The following RASGEF1B variants were observed in gnomAD, a reference collection of about 807,000 sequenced individuals.
RASGEF1B encodes RasGEF domain family member 1B.
Under a neutral mutation model 65.7 loss-of-function variants are expected in RASGEF1B, and 30 were observed. The observed-to-expected ratio is 0.46, with a 90% CI of 0.34 to 0.62. RASGEF1B has a LOEUF of 0.62. Ranked by LOEUF, RASGEF1B falls within the 20% of genes least tolerant of loss-of-function variation. The pLI, the probability that RASGEF1B is intolerant of heterozygous loss-of-function variation, is 0.01. For missense variants in RASGEF1B, 495 were observed against 580.1 expected (o/e 0.85, Z 1.51); for synonymous variants, 175 against 194.8 (o/e 0.90, Z 0.85).
In RASGEF1B at chr4:81,463,293, T is replaced by G. The variant is rs573812359; in HGVS notation, c.-6-3779A>C. Among the ~76,000 whole-genome samples the G allele has an allele frequency of 6.6e-5, 10 of 152,284 alleles. No homozygotes were observed. In the South Asian group the frequency reaches 1.9e-3, roughly 28 times the overall value. On this transcript the variant is annotated intron_variant, in intron 1 of 13. Transcript: ENST00000264400. ...GCATGGTCTCATCAAGACATAGAGA[T>G]TCCAGAGATTCCAATATGGACTTTA...
chr4:81,442,991 T>A (rs1016307998), intron 8 of RASGEF1B, among the ~76,000 whole-genome samples: 15 of 152,354 alleles, frequency 9.8e-5, no homozygotes, highest in Middle Eastern at 3.4e-3. Flanking sequence ...CCCCTCAACA[T>A]TCTTAAAAGA....
rs562241630 is a variant in RASGEF1B, at chr4:81,466,562, A to G, written c.-7+5208T>C. On this transcript the variant is annotated intron_variant, in intron 1 of 13. Transcript: ENST00000264400. ...ATCACAAAGTCAGCAGATCGAGACC[A>G]TCCTGGCTAACACGGTAAAACCCTG... 5.3e-5 allele frequency among the ~76,000 whole-genome samples: 8 copies of G among 152,058 alleles called. No homozygotes were observed. In the East Asian group the frequency reaches 7.8e-4, roughly 15 times the overall value.
intron 13 of RASGEF1B, among the ~76,000 whole-genome samples, chr4:81,429,935 G>A (rs1408750267): frequency 6.6e-6 from 1 of 152,216 alleles, no homozygotes; most frequent in Non-Finnish European, 1.5e-5. Context: ...AGTCGGAGGA[G>A]AGCCTGGGCC....
rs1560700482 is a variant in RASGEF1B, at chr4:81,445,506, A to G, written c.928+20T>C. On this transcript the variant is annotated intron_variant, in intron 8 of 13. Coordinates refer to ENST00000264400, the MANE Select transcript of RASGEF1B (RefSeq NM_152545.3). ...GGATTCGTAAAGATAAACGACATGT[A>G]TCCTCCACAAAATACTCACAGATTA... The G allele has an allele frequency of 6.7e-7, 1 of 1,503,176 alleles. No individual in the cohort carries two copies. Among genetic ancestry groups the G allele is most frequent in the Non-Finnish European group, 9.3e-7 (1 of 1,079,660 alleles). 93.1% of individuals were successfully genotyped at this position (1,503,176 alleles called of 1,614,324 possible).
rs912745726 is a variant in RASGEF1B, at chr4:81,458,113, C to T, written c.178-492G>A. Among the ~76,000 whole-genome samples, 12 of 152,364 alleles carry T rather than the reference C, an allele frequency of 7.9e-5. No homozygotes were observed. The East Asian group carries it at 1.9e-3, about 24-fold the overall frequency. On this transcript the variant is annotated intron_variant, in intron 2 of 13. Transcript: ENST00000264400. The stretch of plus-strand genomic sequence containing the variant: ...ATTCTCCACTGTGTCTAGCACATCA[C>T]AGTAAAGTGTTTGTGTCAGAACATT...
rs1202796589 is a variant in RASGEF1B at position 81,435,459 on chromosome 4, ACC to A, written c.1105-727_1105-726del. Reference sequence around the variant, plus strand: ...AAAAAGAATACCTATCATTGCAGGCACCGATTTTTTTTTTTTTTTTTTTTTTT... The same window carrying A: ...AAAAAGAATACCTATCATTGCAGGCAGATTTTTTTTTTTTTTTTTTTTTTT... On this transcript the variant is annotated intron_variant, in intron 10 of 13. Transcript: ENST00000264400. 3.0e-3 allele frequency among the ~76,000 whole-genome samples: 359 copies of A among 119,898 alleles called. 2 individuals are homozygous for A. The highest frequency in any genetic ancestry group is 0.011 in the African/African-American group (348 of 31,540). The allele number at this position is 119,898 out of a possible 152,430, so 78.7% of individuals were successfully genotyped here.
At chr4:81,466,783 AAAG>A (rs1722839407) in intron 1 of RASGEF1B, among the ~76,000 whole-genome samples, 1 of 142,586 alleles carries the variant, frequency 7.0e-6, no homozygotes, top group Admixed American at 7.0e-5. Flanking sequence ...AGAAAGAAAG[AAAG>A]AAAGAAAGAA....
At chr4:81,468,506 C>A (rs776786762) in intron 1 of RASGEF1B, among the ~76,000 whole-genome samples, 1 of 151,784 alleles carries the variant, frequency 6.6e-6, no homozygotes, top group Non-Finnish European at 1.5e-5. Flanking sequence ...TAAATATAAA[C>A]CTAAGAAAAA....
At chr4:81,440,789 A>G (rs764703186) in intron 10 of RASGEF1B, 45 bp downstream of exon 10, 4 of 1,307,442 alleles carry the variant, frequency 3.1e-6, no homozygotes, top group Non-Finnish European at 4.4e-6. Flanking sequence ...TCAGCATAAA[A>G]CACAGCAACT....
chr4:81,437,213 CACATTTTACATTTGTTAAGTAGCTAAAA>C (rs1721660099), intron 10 of RASGEF1B, among the ~76,000 whole-genome samples: 1 of 152,094 alleles, frequency 6.6e-6, no homozygotes, highest in South Asian at 2.1e-4. Context: ...CTAGGAGTCA[CACATTTTACATTTGTTAAGTAGCTAAAA>C]AATAAAAAAA....
At chr4:81,465,509 A>G (rs1001863530) in intron 1 of RASGEF1B, among the ~76,000 whole-genome samples, 5 of 152,230 alleles carry the variant, frequency 3.3e-5, no homozygotes, top group African/African-American at 1.2e-4. Context: ...GGTCACAAAG[A>G]TAGATCACGT....
At chr4:81,429,917 G>A (rs933695003) in intron 13 of RASGEF1B, among the ~76,000 whole-genome samples, 17 of 152,330 alleles carry the variant, frequency 1.1e-4, no homozygotes, top group African/African-American at 3.8e-4. Flanking sequence ...GCGAAGTTTG[G>A]CAGGCGCAGT....
chr4:81,438,441 C>A (rs747031618), intron 10 of RASGEF1B, among the ~76,000 whole-genome samples: 2 of 152,250 alleles, frequency 1.3e-5, no homozygotes, highest in South Asian at 2.1e-4. Context: ...TGGGCCACCA[C>A]GCCCGGCCAA....
chr4:81,443,260 C>A (rs116673652), intron 8 of RASGEF1B, among the ~76,000 whole-genome samples: 2,694 of 152,224 alleles, frequency 0.018, 74 homozygotes, highest in African/African-American at 0.061. Flanking sequence ...ATTTTAAGGA[C>A]CAGAAGTGGG....
chr4:81,434,980 T>A lies in RASGEF1B; in HGVS notation c.1105-246A>T, dbSNP rs542559306. Among the ~76,000 whole-genome samples the A allele has an allele frequency of 2.0e-5, 3 of 152,320 alleles. No individual in the cohort carries two copies. In the East Asian group the frequency reaches 5.8e-4, roughly 29 times the overall value. On this transcript the variant is annotated intron_variant, in intron 10 of 13. Transcript: ENST00000264400. ...AATGGGAAGTGAATAGGTTAGTACT[T>A]TTATTACAATTTTTCCTATTTTTCT...
chr4:81,462,530 A>C (rs1722683205), intron 1 of RASGEF1B, among the ~76,000 whole-genome samples: 1 of 152,208 alleles, frequency 6.6e-6, no homozygotes, highest in Non-Finnish European at 1.5e-5. Flanking sequence ...TTTCCCATGA[A>C]ACCACCTTGA....
intron 13 of RASGEF1B, among the ~76,000 whole-genome samples, chr4:81,429,202 C>A (rs1268053845): frequency 2.0e-5 from 3 of 152,152 alleles, no homozygotes; most frequent in Non-Finnish European, 2.9e-5. Context: ...TGGAGAAATT[C>A]TTTCTAGGGA....
intron 4 of RASGEF1B, chr4:81,456,385 T>C (rs10017611): frequency 0.012 from 7,527 of 604,114 alleles, 425 homozygotes; most frequent in African/African-American, 0.12. Flanking sequence ...AATTAAAACA[T>C]ACTTGCAACA....
chr4:81,450,469 G>T (rs561736934), intron 4 of RASGEF1B, among the ~76,000 whole-genome samples: 1 of 152,160 alleles, frequency 6.6e-6, no homozygotes, highest in African/African-American at 2.4e-5. Flanking sequence ...AGGTTCAAGC[G>T]ATTCTCGTGC....
Sources: gnomAD v4.1 joint callset for allele counts (sites outside exome capture counted in the v4.1 genomes callset) on GRCh38, gnomAD v4.1.1 for gene constraint, MANE v1.5 for transcripts, NCBI Gene and HGNC (gene_info 2026-07-23, HGNC 2026-07-21) for gene names.